Variants in MCUB observed in about 807,000 individuals in gnomAD.
MCUB encodes the protein calcium uniporter regulatory subunit MCUb, mitochondrial.
In MCUB, 46 loss-of-function variants were observed where a neutral mutation model predicts 41.4. That is an observed-to-expected ratio of 1.11 (90% CI 0.88 to 1.42). The LOEUF (loss-of-function observed/expected upper bound fraction) is 1.42. Ranked by LOEUF, MCUB falls within the 40% of genes most tolerant of loss-of-function variation. MCUB has a pLI of 0.00. For missense variants in MCUB, 403 were observed against 404.9 expected (o/e 1.00, Z 0.04); for synonymous variants, 148 against 148.2 (o/e 1.00, Z 0.01).
Position 109,682,641 on chromosome 4 carries a change from C to G in MCUB, c.511C>G (p.Leu171Val). Residue 171 changes from leucine to valine, a missense_variant, in exon 5 of 8, where the codon CTA (leucine) becomes GTA (valine). Transcript: ENST00000394650. ...ACACATGAAATCTTTGGTTCACAGA[C>G]TATTTACAATCTTGCATTTAGAAGA... is the stretch of plus-strand genomic sequence containing the variant. ...MEHMKSLVHR[L>V]FTILHLEESQ... 6.2e-7 allele frequency: 1 copy of G among 1,612,890 alleles called. No homozygotes were observed. The highest frequency in any genetic ancestry group is 8.5e-7 in the Non-Finnish European group (1 of 1,178,974).
At chr4:109,595,244 T>C (rs542914074) in intron 1 of MCUB, among the ~76,000 whole-genome samples, 1 of 152,272 alleles carries the variant, frequency 6.6e-6, no homozygotes, top group South Asian at 2.1e-4. Flanking sequence ...GTTGCCTTCA[T>C]CTCATACATG....
chr4:109,583,741 A>G (rs1245835548), intron 1 of MCUB, among the ~76,000 whole-genome samples: 2 of 152,216 alleles, frequency 1.3e-5, no homozygotes, highest in Non-Finnish European at 2.9e-5. Context: ...CATCTCATCA[A>G]TACCTAGTTT....
chr4:109,672,100 G>T (rs1729470777), intron 4 of MCUB, among the ~76,000 whole-genome samples: 1 of 151,774 alleles, frequency 6.6e-6, no homozygotes. Flanking sequence ...TTTTAATTGG[G>T]CCTGTGTCTC....
At position 109,632,615 on chromosome 4, in the gene MCUB, C is replaced by CTTTTT. The variant is rs33926597; in HGVS notation, c.100-26382_100-26378dup. ...ATCCCTTTTATGTCTTCTGTCATTG[C>CTTTTT]TTTTTTTTTTTTTTTTTTAAGGTGG... On this transcript the variant is annotated intron_variant, in intron 1 of 7. Transcript: ENST00000394650. 5.8e-4 allele frequency among the ~76,000 whole-genome samples: 68 copies of CTTTTT among 116,970 alleles called. 1 individual carries two copies. Among genetic ancestry groups the CTTTTT allele is most frequent in the African/African-American group, 2.1e-3 (60 of 29,132 alleles). The allele number at this position is 116,970 out of a possible 152,430, so 76.7% of individuals were successfully genotyped here.
chr4:109,651,444 G>A (rs1377915432), intron 1 of MCUB, among the ~76,000 whole-genome samples: 2 of 152,118 alleles, frequency 1.3e-5, no homozygotes, highest in African/African-American at 4.8e-5. Context: ...AGTATCTGGT[G>A]CCAAGAGCTA....
At chr4:109,568,394 CTCTA>C (rs1726831256) in intron 1 of MCUB, among the ~76,000 whole-genome samples, 1 of 152,166 alleles carries the variant, frequency 6.6e-6, no homozygotes, top group Admixed American at 6.5e-5. Flanking sequence ...CCATCTTCTG[CTCTA>C]TCTCTTCCGT....
intron 1 of MCUB, among the ~76,000 whole-genome samples, chr4:109,561,937 C>G (rs1554014713): frequency 6.6e-6 from 1 of 152,040 alleles, no homozygotes; most frequent in Non-Finnish European, 1.5e-5. Context: ...TTAGTAGAGA[C>G]GGGGTTTCAC....
chr4:109,604,604 G>T (rs1727828885), intron 1 of MCUB, among the ~76,000 whole-genome samples: 1 of 152,132 alleles, frequency 6.6e-6, no homozygotes, highest in Non-Finnish European at 1.5e-5. Context: ...CCAGATCCAG[G>T]AAAGGCTTTC....
At chr4:109,612,903 A>T (rs144627202) in intron 1 of MCUB, among the ~76,000 whole-genome samples, 1 of 152,048 alleles carries the variant, frequency 6.6e-6, no homozygotes, top group Non-Finnish European at 1.5e-5. Flanking sequence ...TCAGGAGATC[A>T]AGACCATCCT....
At chr4:109,626,100 G>C (rs143560691) in intron 1 of MCUB, among the ~76,000 whole-genome samples, 4 of 152,134 alleles carry the variant, frequency 2.6e-5, no homozygotes, top group African/African-American at 4.8e-5. Flanking sequence ...TGAAATTTAG[G>C]TTCTAAGACT....
intron 1 of MCUB, among the ~76,000 whole-genome samples, chr4:109,649,474 C>A (rs763615315): frequency 6.6e-6 from 1 of 151,974 alleles, no homozygotes; most frequent in Non-Finnish European, 1.5e-5. Flanking sequence ...ATGTTTTAGT[C>A]GCTCAGTCTC....
chr4:109,643,703 C>T (rs940442307), intron 1 of MCUB, among the ~76,000 whole-genome samples: 4 of 151,142 alleles, frequency 2.6e-5, no homozygotes, highest in African/African-American at 4.9e-5. Context: ...GGGATTTCAC[C>T]ACGTTGGCCA....
At chr4:109,658,129 G>A (rs575643659) in intron 1 of MCUB, among the ~76,000 whole-genome samples, 6 of 152,212 alleles carry the variant, frequency 3.9e-5, no homozygotes, top group African/African-American at 7.2e-5. Context: ...TGTCCCACCC[G>A]TACATAATTT....
At chr4:109,657,661 G>T (rs1258741022) in intron 1 of MCUB, among the ~76,000 whole-genome samples, 1 of 152,172 alleles carries the variant, frequency 6.6e-6, no homozygotes, top group African/African-American at 2.4e-5. Flanking sequence ...AAATGCCTGT[G>T]AACCAATTCC....
chr4:109,589,366 T>C (rs552063215), intron 1 of MCUB, among the ~76,000 whole-genome samples: 3 of 152,158 alleles, frequency 2.0e-5, no homozygotes, highest in Non-Finnish European at 4.4e-5. Flanking sequence ...GGAATAACTT[T>C]CCAGGGAGTT....
At chr4:109,648,735 A>G in intron 1 of MCUB, 1 of 372,704 alleles carries the variant, frequency 2.7e-6, no homozygotes, top group Non-Finnish European at 5.1e-6. Flanking sequence ...AAAAAAAAAA[A>G]AAAAAATCAT....
At chr4:109,579,012 A>G (rs960400770) in intron 1 of MCUB, among the ~76,000 whole-genome samples, 3 of 152,140 alleles carry the variant, frequency 2.0e-5, no homozygotes, top group Non-Finnish European at 4.4e-5. Flanking sequence ...CCCGCCTCCA[A>G]TATTCCTTCA....
chr4:109,572,110 C>G (rs1251387349), intron 1 of MCUB, among the ~76,000 whole-genome samples: 2 of 152,250 alleles, frequency 1.3e-5, no homozygotes, highest in African/African-American at 4.8e-5. Context: ...AACTTTATTT[C>G]TCTCTGAAAA....
intron 1 of MCUB, among the ~76,000 whole-genome samples, chr4:109,641,766 C>G (rs1561237534): frequency 1.3e-5 from 2 of 152,166 alleles, no homozygotes; most frequent in Non-Finnish European, 2.9e-5. Flanking sequence ...GTATTCAAAC[C>G]TCCTGTGAAG....
Sources: gnomAD v4.1 joint callset for allele counts (sites outside exome capture counted in the v4.1 genomes callset) on GRCh38, gnomAD v4.1.1 for gene constraint, MANE v1.5 for transcripts, NCBI Gene and HGNC (gene_info 2026-07-23, HGNC 2026-07-21) for gene names.